Variants in MAP7D2 observed in about 807,000 individuals in gnomAD.
MAP7D2 encodes MAP7 domain-containing protein 2.
MAP7D2 carries 33 observed loss-of-function variants against 63.5 expected under a neutral mutation model. That is an observed-to-expected ratio of 0.52 (90% CI 0.39 to 0.70). MAP7D2 has a LOEUF of 0.70. Among genes scored for constraint, MAP7D2 ranks in the 30% least tolerant of loss-of-function variants. MAP7D2 has a pLI of 0.00. For missense variants in MAP7D2, 626 were observed against 604.0 expected (o/e 1.04, Z -0.38); for synonymous variants, 224 against 223.7 (o/e 1.00, Z -0.01).
At chrX:20,075,994 C>A (rs1466393609) in intron 1 of MAP7D2, among the ~76,000 whole-genome samples, 1 of 111,223 alleles carries the variant, frequency 9.0e-6, no homozygotes, top group Non-Finnish European at 1.9e-5. Flanking sequence ...GGGTTCTAAT[C>A]CAATGATTCT....
At chrX:20,073,024 A>C (rs1282206171) in intron 1 of MAP7D2, among the ~76,000 whole-genome samples, 1 of 111,113 alleles carries the variant, frequency 9.0e-6, no homozygotes, top group Admixed American at 9.7e-5. Flanking sequence ...TTATATTGCA[A>C]TAAAAGAATT....
intron 1 of MAP7D2, among the ~76,000 whole-genome samples, chrX:20,077,615 C>A (rs189441768): frequency 1.2e-4 from 13 of 112,015 alleles, no homozygotes; most frequent in Admixed American, 1.0e-3. Flanking sequence ...AATAGGAGCT[C>A]AACAAATCCA....
chrX:20,015,424 T>C, intron 11 of MAP7D2, 97 bp from the exon 12 acceptor site: 2 of 642,946 alleles, frequency 3.1e-6, no homozygotes, highest in South Asian at 2.4e-5. Flanking sequence ...TCTCATCATC[T>C]GCCCTAAAGT....
At chrX:20,035,926 ATGTGTGTGTGTG>A (rs59706024) in intron 8 of MAP7D2, among the ~76,000 whole-genome samples, 4 of 98,429 alleles carry the variant, frequency 4.1e-5, no homozygotes, top group Non-Finnish European at 6.1e-5. Flanking sequence ...AAAAATATAT[ATGTGTGTGTGTG>A]TGTGTGTGTG....
intron 1 of MAP7D2, among the ~76,000 whole-genome samples, chrX:20,101,933 C>T (rs2066446729): frequency 8.9e-6 from 1 of 112,374 alleles, no homozygotes; most frequent in South Asian, 3.7e-4. Context: ...TTTTATGTTA[C>T]ATATATTTTA....
chrX:20,038,712 T>G (rs1027830657), intron 8 of MAP7D2, among the ~76,000 whole-genome samples: 13 of 111,273 alleles, frequency 1.2e-4, no homozygotes, highest in African/African-American at 4.3e-4. Flanking sequence ...GAGGGAGGAA[T>G]GCTGCCACCA....
chrX:20,061,803 G>T (rs894202647), intron 3 of MAP7D2, among the ~76,000 whole-genome samples: 2 of 112,569 alleles, frequency 1.8e-5, no homozygotes, highest in Non-Finnish European at 3.8e-5. Context: ...CAGTGACAAT[G>T]CATATGTCAG....
chrX:20,050,685 T>G, intron 6 of MAP7D2, 139 bp downstream of exon 6: 1 of 654,290 alleles, frequency 1.5e-6, no homozygotes. Context: ...AACACTGGTA[T>G]AAGACGTTAT....
At chrX:20,089,140 ATTTTT>A (rs1940631904) in intron 1 of MAP7D2, among the ~76,000 whole-genome samples, 1 of 111,932 alleles carries the variant, frequency 8.9e-6, no homozygotes, top group African/African-American at 3.2e-5. Flanking sequence ...TTTGGAGTTA[ATTTTT>A]ATATATGATG....
intron 1 of MAP7D2, among the ~76,000 whole-genome samples, chrX:20,094,516 GT>G (rs2066173000): frequency 8.4e-5 from 1 of 11,888 alleles, no homozygotes; most frequent in Non-Finnish European, 1.1e-4. Flanking sequence ...ATATATATAT[GT>G]ATATATATAT....
chrX:20,072,912 A>G (rs1403010274), intron 1 of MAP7D2, among the ~76,000 whole-genome samples: 1 of 112,323 alleles, frequency 8.9e-6, no homozygotes, highest in Non-Finnish European at 1.9e-5. Flanking sequence ...AGTGATGAAA[A>G]TGTGATGGTA....
intron 15 of MAP7D2, among the ~76,000 whole-genome samples, chrX:20,012,134 T>C (rs772582977): frequency 9.0e-6 from 1 of 111,295 alleles, no homozygotes; most frequent in South Asian, 3.8e-4. Context: ...AGCTTTCCTC[T>C]AACAAATCAC....
At chrX:20,036,765 G>A (rs187951478) in intron 8 of MAP7D2, among the ~76,000 whole-genome samples, 5 of 103,729 alleles carry the variant, frequency 4.8e-5, no homozygotes, top group Non-Finnish European at 7.9e-5. Flanking sequence ...TTAGCCGGGC[G>A]TGGTGGCGCA....
chrX:20,051,615 A>T (rs2064954252), intron 5 of MAP7D2, among the ~76,000 whole-genome samples: 1 of 111,869 alleles, frequency 8.9e-6, no homozygotes, highest in Non-Finnish European at 1.9e-5. Flanking sequence ...AGTAGAAAAC[A>T]AATTATGCCT....
intron 8 of MAP7D2, among the ~76,000 whole-genome samples, chrX:20,038,647 T>C (rs1318497023): frequency 9.0e-6 from 1 of 111,143 alleles, no homozygotes; most frequent in Non-Finnish European, 1.9e-5. Context: ...TAGCAAAATT[T>C]TTGCTTCCTG....
chrX:20,082,249 C>G (rs1479089745), intron 1 of MAP7D2, among the ~76,000 whole-genome samples: 1 of 112,394 alleles, frequency 8.9e-6, no homozygotes, highest in Non-Finnish European at 1.9e-5. Context: ...CTCTTTTGGG[C>G]TGGGAGCAGT....
chrX:20,052,915 A>C lies in MAP7D2; in HGVS notation c.558T>G (p.Ser186=). The change falls in exon 5 of 17, where the codon TCT becomes TCG. Residue 186 remains serine (S), a synonymous_variant. Coordinates refer to ENST00000379643, the MANE Select transcript of MAP7D2 (RefSeq NM_001168465.2). The part of the protein sequence containing the change: ...PTEPPMNKRL[S]SSTVAISYSP... The stretch of plus-strand genomic sequence containing the variant: ...AATAGGATATTGCCACGGTGGATGA[A>C]GACAGGCGTTTATTCATGGGAGGCT... 8.3e-7 allele frequency: 1 copy of C among 1,211,321 alleles called. No homozygotes were observed. Among genetic ancestry groups the C allele is most frequent in the Non-Finnish European group, 1.1e-6 (1 of 894,689 alleles).
At chrX:20,059,300 G>A (rs976252147) in intron 3 of MAP7D2, among the ~76,000 whole-genome samples, 2 of 111,781 alleles carry the variant, frequency 1.8e-5, no homozygotes, top group Non-Finnish European at 3.8e-5. Flanking sequence ...GTCTGGGGTG[G>A]AGCCTGCTGA....
At chrX:20,061,600 C>T (rs1335750069) in intron 3 of MAP7D2, among the ~76,000 whole-genome samples, 1 of 112,247 alleles carries the variant, frequency 8.9e-6, no homozygotes, top group Non-Finnish European at 1.9e-5. Context: ...ATTAGGGGTG[C>T]AAGGAAGCAC....
Sources: allele counts gnomAD v4.1 joint callset (sites outside exome capture counted in the v4.1 genomes callset), GRCh38; gene constraint gnomAD v4.1.1; transcripts MANE v1.5; gene names NCBI Gene and HGNC (gene_info 2026-07-23, HGNC 2026-07-21).